The following ARPP21 variants were observed in gnomAD, a reference collection of about 807,000 sequenced individuals.
The protein encoded by ARPP21 is cAMP regulated phosphoprotein 21.
Under a neutral mutation model 113.2 loss-of-function variants are expected in ARPP21, and 69 were observed. The ratio of observed to expected loss-of-function variants is 0.61; its 90% confidence interval spans 0.50 to 0.74. The LOEUF (loss-of-function observed/expected upper bound fraction) is 0.74, where lower values mean the gene tolerates loss of function less well. Ranked by LOEUF, ARPP21 falls within the 30% of genes least tolerant of loss-of-function variation. The probability of loss-of-function intolerance (pLI) is 0.00; values close to 1 mark genes in which losing one functional copy is unlikely to be tolerated. For synonymous variants in ARPP21, 368 were observed against 375.5 expected (o/e 0.98, Z 0.23); for missense variants, 1,070 against 1,037.4 (o/e 1.03, Z -0.43).
intron 9 of ARPP21, among the ~76,000 whole-genome samples, chr3:35,696,046 A>G (rs1396130757): frequency 6.6e-6 from 1 of 151,560 alleles, no homozygotes; most frequent in African/African-American, 2.4e-5. Flanking sequence ...TGTCAATGAC[A>G]GTAGGAGGCT....
intron 9 of ARPP21, 152 bp from the exon 10 acceptor site, chr3:35,706,822 A>T (rs896858334): frequency 3.4e-5 from 20 of 587,850 alleles, no homozygotes; most frequent in Admixed American, 1.3e-4. Flanking sequence ...GTGACATATT[A>T]TTACCTACCT....
At chr3:35,759,029 A>G (rs997204404) in intron 19 of ARPP21, among the ~76,000 whole-genome samples, 4 of 152,054 alleles carry the variant, frequency 2.6e-5, no homozygotes, top group Admixed American at 6.6e-5. Flanking sequence ...AGGCAATGAC[A>G]TGTTTAGTGA....
At chr3:35,666,838 A>C (rs2074489200) in intron 1 of ARPP21, among the ~76,000 whole-genome samples, 1 of 152,174 alleles carries the variant, frequency 6.6e-6, no homozygotes. Flanking sequence ...CAAATATAAA[A>C]TTAAACAGGT....
At position 35,644,109 on chromosome 3, in the gene ARPP21, T is replaced by C. The variant is rs559880380; in HGVS notation, c.-213+3711T>C. Among the ~76,000 whole-genome samples the C allele has an allele frequency of 7.9e-5, 12 of 151,992 alleles. No homozygotes were observed. In the South Asian group the frequency reaches 2.5e-3, roughly 31 times the overall value. ...ATGATAAATGAATTTCAAGCAGCAATGTAAGCAAATGCTGAAGGACTGTTG... is the reference window on the plus strand; with the variant it reads ...ATGATAAATGAATTTCAAGCAGCAACGTAAGCAAATGCTGAAGGACTGTTG... On this transcript the variant is annotated intron_variant, in intron 1 of 20. Coordinates refer to ENST00000684406, the MANE Select transcript of ARPP21 (RefSeq NM_001385562.1).
intron 19 of ARPP21, among the ~76,000 whole-genome samples, chr3:35,776,026 T>C (rs531840665): frequency 1.5e-3 from 231 of 152,314 alleles, no homozygotes; most frequent in Non-Finnish European, 2.5e-3. Context: ...ATTTTACTAT[T>C]TCTTCAGTCC....
At chr3:35,694,939 T>C (rs1322581239) in intron 9 of ARPP21, among the ~76,000 whole-genome samples, 1 of 147,468 alleles carries the variant, frequency 6.8e-6, no homozygotes, top group Admixed American at 6.8e-5. Context: ...ATACATAATA[T>C]ATATATTTAT....
At chr3:35,726,017 A>G (rs1032840754) in intron 14 of ARPP21, among the ~76,000 whole-genome samples, 1 of 152,198 alleles carries the variant, frequency 6.6e-6, no homozygotes, top group Non-Finnish European at 1.5e-5. Flanking sequence ...ATTCTGCCAC[A>G]AACTGAGCTT....
intron 6 of ARPP21, among the ~76,000 whole-genome samples, chr3:35,688,558 A>G (rs545559220): frequency 6.6e-6 from 1 of 151,794 alleles, no homozygotes; most frequent in African/African-American, 2.4e-5. Flanking sequence ...GAGTACCATG[A>G]GTAAACAGGC....
intron 1 of ARPP21, chr3:35,652,068 A>T (rs968837055): frequency 1.3e-5 from 2 of 152,058 alleles, no homozygotes; most frequent in African/African-American, 4.8e-5. Flanking sequence ...GAGACTTTGA[A>T]AAAGAGATGT....
At chr3:35,696,068 A>C (rs1287467150) in intron 9 of ARPP21, among the ~76,000 whole-genome samples, 1 of 151,504 alleles carries the variant, frequency 6.6e-6, no homozygotes, top group African/African-American at 2.4e-5. Context: ...CATAAGATTG[A>C]ATAGAATCTT....
intron 14 of ARPP21, among the ~76,000 whole-genome samples, chr3:35,727,099 A>G (rs1426542117): frequency 2.0e-5 from 3 of 152,192 alleles, no homozygotes; most frequent in East Asian, 3.8e-4. Flanking sequence ...TCGTAGCCCC[A>G]TGAGCATTCT....
intron 19 of ARPP21, among the ~76,000 whole-genome samples, chr3:35,787,593 T>C (rs2096659689): frequency 6.6e-6 from 1 of 152,240 alleles, no homozygotes; most frequent in Non-Finnish European, 1.5e-5. Context: ...TAATGAGTGA[T>C]ATGAGTTGAT....
At chr3:35,641,367 CTA>C (rs1698014504) in intron 1 of ARPP21, 1 of 152,108 alleles carries the variant, frequency 6.6e-6, no homozygotes, top group Admixed American at 6.5e-5. Context: ...ATAAAAACTG[CTA>C]TGATTGTTTT....
At chr3:35,753,841 G>A (rs2095482533) in intron 19 of ARPP21, among the ~76,000 whole-genome samples, 1 of 151,836 alleles carries the variant, frequency 6.6e-6, no homozygotes, top group South Asian at 2.1e-4. Flanking sequence ...CATTTGGGAT[G>A]GGGCAAAATG....
chr3:35,682,932 T>A (rs775665336), intron 4 of ARPP21, 43 bp downstream of exon 4: 3 of 1,509,206 alleles, frequency 2.0e-6, no homozygotes, highest in Non-Finnish European at 2.7e-6. Context: ...ATCATGGGTA[T>A]AAATTACATA....
intron 9 of ARPP21, among the ~76,000 whole-genome samples, chr3:35,691,226 T>C (rs1197857130): frequency 6.6e-6 from 1 of 151,718 alleles, no homozygotes; most frequent in Non-Finnish European, 1.5e-5. Flanking sequence ...TTTCCTGCTC[T>C]TTTACATAGC....
intron 19 of ARPP21, among the ~76,000 whole-genome samples, chr3:35,759,941 C>T (rs1285303515): frequency 6.6e-6 from 1 of 151,986 alleles, no homozygotes; most frequent in Non-Finnish European, 1.5e-5. Context: ...GATTGTTTTA[C>T]CACCAGCTAG....
chr3:35,664,529 C>G (rs1452722509), intron 1 of ARPP21, among the ~76,000 whole-genome samples: 1 of 152,132 alleles, frequency 6.6e-6, no homozygotes, highest in Non-Finnish European at 1.5e-5. Flanking sequence ...GTGGCTCTGC[C>G]AGAGCGTTCA....
rs17033769 is a variant in ARPP21, at chr3:35,788,546, T to C, written c.2138-3836T>C. Among the ~76,000 whole-genome samples, 479 of 152,304 alleles carry C rather than the reference T, an allele frequency of 3.1e-3. 3 individuals are homozygous for C. Among genetic ancestry groups the C allele is most frequent in the African/African-American group, 0.011 (452 of 41,562 alleles). ...GTATAGAAATTTGCTGTCTTCAGTA[T>C]ACCGCCTTCCCTGTTTCAACCTCCA... On this transcript the variant is annotated intron_variant, in intron 19 of 20. Coordinates refer to ENST00000684406, the MANE Select transcript of ARPP21 (RefSeq NM_001385562.1).
Sources: gnomAD v4.1 joint callset for allele counts (sites outside exome capture counted in the v4.1 genomes callset) on GRCh38, gnomAD v4.1.1 for gene constraint, MANE v1.5 for transcripts, NCBI Gene and HGNC (gene_info 2026-07-23, HGNC 2026-07-21) for gene names.